The following TPP2 variants were observed in gnomAD, a reference collection of about 807,000 sequenced individuals.
TPP2 encodes tripeptidyl peptidase 2.
TPP2 carries 34 observed loss-of-function variants against 155.9 expected under a neutral mutation model. The observed-to-expected ratio is 0.22, with a 90% CI of 0.17 to 0.29. TPP2 has a LOEUF of 0.29. Among genes scored for constraint, TPP2 ranks in the 10% least tolerant of loss-of-function variants. TPP2 has a pLI of 1.00. For missense variants in TPP2, 1,028 were observed against 1,522.3 expected (o/e 0.68, Z 5.40); for synonymous variants, 510 against 529.4 (o/e 0.96, Z 0.50).
Position 102,616,429 on chromosome 13 carries a change from C to T in TPP2, c.424C>T (p.His142Tyr). The T allele has an allele frequency of 6.2e-7, 1 of 1,612,896 alleles. No homozygotes were observed. Among genetic ancestry groups the T allele is most frequent in the Non-Finnish European group, 8.5e-7 (1 of 1,179,558 alleles). ...GAAGGAAAAAATCTGGGACCCTGTT[C>T]ACAGAGTGGCCCTTGCAGAAGCCTG... ...ERKEKIWDPV[H>Y]RVALAEACRK... Residue 142 changes from histidine (H) to tyrosine (Y), a missense_variant, in exon 4 of 30, where the codon CAC (histidine) becomes TAC (tyrosine). Physicochemically the swap from His to Tyr is moderately conservative, Grantham distance 83 (BLOSUM62 2). Around this residue, in one of 7 missense-constraint regions of TPP2, gnomAD observed 300 missense variants for 398.3 expected, o/e 0.75. Coordinates refer to ENST00000376052, the MANE Select transcript of TPP2 (RefSeq NM_001330588.2).
chr13:102,648,429 C>T (rs984158910), intron 21 of TPP2, among the ~76,000 whole-genome samples: 55 of 148,068 alleles, frequency 3.7e-4, no homozygotes, highest in Middle Eastern at 7.0e-3. Flanking sequence ...ATAAGTTACA[C>T]GTGTGTGTGT....
intron 2 of TPP2, among the ~76,000 whole-genome samples, chr13:102,609,377 G>A (rs1435408957): frequency 6.7e-6 from 1 of 149,600 alleles, no homozygotes; most frequent in Admixed American, 6.7e-5. Flanking sequence ...AGCCAGCAAA[G>A]GGAGAAGTGC....
rs143772821 is a variant in TPP2, at chr13:102,675,128, G to A, written c.3579+638G>A. On this transcript the variant is annotated intron_variant, in intron 28 of 29. Coordinates refer to ENST00000376052, the MANE Select transcript of TPP2 (RefSeq NM_001330588.2). ...AAATGGAGTCAGTAGGATTCCCCTC[G>A]CGTATCACAGACCATCATTTTGTTT... Among the ~76,000 whole-genome samples the A allele has an allele frequency of 2.6e-5, 4 of 152,186 alleles. No individual in the cohort carries two copies. In the East Asian group the frequency reaches 5.8e-4, roughly 22 times the overall value.
intron 25 of TPP2, among the ~76,000 whole-genome samples, chr13:102,661,623 T>C (rs916232378): frequency 2.4e-4 from 37 of 152,196 alleles, no homozygotes; most frequent in African/African-American, 8.7e-4. Context: ...GTGAGTAATC[T>C]GAATAGATAT....
At position 102,644,886 on chromosome 13, in the gene TPP2, G is replaced by C. The variant is rs890571068; in HGVS notation, c.2293-23G>C. ...CTTATTTTTAGTAAAGTTTGAGAAA[G>C]TAATTTGAGAAATCCTTTGTAGCAT... On this transcript the variant is annotated intron_variant, in intron 18 of 29. Transcript: ENST00000376052. 6.2e-6 allele frequency: 10 copies of C among 1,608,970 alleles called. No homozygotes were observed. In the Admixed American group the frequency reaches 1.4e-4, roughly 22 times the overall value.
At chr13:102,672,924 A>T (rs1213185345) in intron 27 of TPP2, among the ~76,000 whole-genome samples, 1 of 152,244 alleles carries the variant, frequency 6.6e-6, no homozygotes, top group Non-Finnish European at 1.5e-5. Context: ...GCTGAGAAGC[A>T]CTGAGGGATC....
chr13:102,628,224 C>T (rs191455312), intron 8 of TPP2, among the ~76,000 whole-genome samples: 38 of 152,222 alleles, frequency 2.5e-4, no homozygotes, highest in Admixed American at 2.5e-3. Context: ...TTAGGTCTCC[C>T]TCACAGTTCT....
intron 23 of TPP2, among the ~76,000 whole-genome samples, chr13:102,650,664 G>A (rs960846793): frequency 2.4e-4 from 37 of 152,182 alleles, no homozygotes; most frequent in African/African-American, 8.7e-4. Context: ...ATGACACTTT[G>A]AAGAGTCTGC....
intron 1 of TPP2, 127 bp downstream of exon 1, chr13:102,597,330 C>T (rs1879035850): frequency 3.9e-6 from 2 of 518,040 alleles, no homozygotes; most frequent in Non-Finnish European, 3.0e-6. Flanking sequence ...GGGTGGGCAG[C>T]ACCGGGGTGG....
In TPP2 at chr13:102,616,436, T is replaced by G; in HGVS notation, c.431T>G (p.Val144Gly). Residue 144 changes from valine to glycine, a missense_variant, in exon 4 of 30, where the codon GTG becomes GGG. Coordinates refer to ENST00000376052, the MANE Select transcript of TPP2 (RefSeq NM_001330588.2). ...KEKIWDPVHR[V>G]ALAEACRKQE... ...AAAATCTGGGACCCTGTTCACAGAGTGGCCCTTGCAGAAGCCTGTAGAAAA... is the reference window on the plus strand; with the variant it reads ...AAAATCTGGGACCCTGTTCACAGAGGGGCCCTTGCAGAAGCCTGTAGAAAA... 1.9e-6 allele frequency: 3 copies of G among 1,613,218 alleles called. No homozygotes were observed. Among genetic ancestry groups the G allele is most frequent in the Non-Finnish European group, 2.5e-6 (3 of 1,179,670 alleles).
chr13:102,658,060 A>G (rs896744168), intron 25 of TPP2, among the ~76,000 whole-genome samples: 37 of 152,160 alleles, frequency 2.4e-4, no homozygotes, highest in African/African-American at 8.7e-4. Context: ...TTTTTACATA[A>G]AAGATATTAA....
At chr13:102,676,791 C>T (rs967424711) in intron 29 of TPP2, among the ~76,000 whole-genome samples, 2 of 152,120 alleles carry the variant, frequency 1.3e-5, no homozygotes, top group African/African-American at 4.8e-5. Flanking sequence ...TGATTTTATT[C>T]TTCATTTGAG....
intron 1 of TPP2, among the ~76,000 whole-genome samples, chr13:102,599,563 T>G (rs1479191551): frequency 1.3e-5 from 2 of 152,162 alleles, no homozygotes; most frequent in African/African-American, 4.8e-5. Context: ...GAGGCACAAG[T>G]GAAAACGTGG....
At chr13:102,621,268 C>T (rs898051419) in intron 5 of TPP2, among the ~76,000 whole-genome samples, 15 of 152,108 alleles carry the variant, frequency 9.9e-5, no homozygotes, top group African/African-American at 3.4e-4. Flanking sequence ...ATGATGATTT[C>T]GTTAATTCCT....
chr13:102,610,946 A>G (rs1260125338), intron 2 of TPP2, among the ~76,000 whole-genome samples: 2 of 152,210 alleles, frequency 1.3e-5, no homozygotes, highest in African/African-American at 4.8e-5. Flanking sequence ...AACTTTTGTG[A>G]TAATCATTCC....
At chr13:102,613,990 T>C in intron 2 of TPP2, 111 bp from the exon 3 acceptor site, 3 of 841,786 alleles carry the variant, frequency 3.6e-6, no homozygotes, top group East Asian at 5.4e-5. Context: ...AGCATCCTTA[T>C]CCAATTTAAG....
chr13:102,667,658 G>T, intron 27 of TPP2: 2 of 739,844 alleles, frequency 2.7e-6, no homozygotes, highest in Non-Finnish European at 3.3e-6. Flanking sequence ...CAGATATGTA[G>T]AATTTAGATT....
intron 2 of TPP2, 54 bp downstream of exon 2, chr13:102,604,975 G>A: frequency 6.3e-7 from 1 of 1,596,638 alleles, no homozygotes; most frequent in Non-Finnish European, 8.5e-7. Context: ...TTGCCTCAAA[G>A]CATCTAATGT....
intron 29 of TPP2, among the ~76,000 whole-genome samples, chr13:102,676,843 A>G (rs1237429122): frequency 6.6e-6 from 1 of 152,228 alleles, no homozygotes; most frequent in African/African-American, 2.4e-5. Context: ...ATACAATATT[A>G]TGTGCAGAGA....
Sources: allele counts gnomAD v4.1 joint callset (sites outside exome capture counted in the v4.1 genomes callset), GRCh38; gene constraint gnomAD v4.1.1; regional missense constraint gnomAD v4.1.1; transcripts MANE v1.5; gene names NCBI Gene and HGNC (gene_info 2026-07-23, HGNC 2026-07-21).